Variants in PAF1 observed in about 807,000 individuals in gnomAD.
PAF1 encodes PAF1 component of Paf1/RNA polymerase II complex.
Under a neutral mutation model 68.4 loss-of-function variants are expected in PAF1, and 31 were observed. The observed-to-expected ratio is 0.45, with a 90% CI of 0.34 to 0.61. PAF1 has a LOEUF of 0.61. PAF1 is among the 20% of genes least tolerant of loss of function. The pLI is 0.01. For missense variants in PAF1, 435 were observed against 692.9 expected (o/e 0.63, Z 4.18); for synonymous variants, 256 against 240.5 (o/e 1.06, Z -0.60).
At position 39,388,913 on chromosome 19, in the gene PAF1, G is replaced by A. The variant is rs779161462; in HGVS notation, c.636+34C>T. 15 of 1,609,200 alleles carry A rather than the reference G, an allele frequency of 9.3e-6. No homozygotes were observed. In the South Asian group the frequency reaches 1.6e-4, roughly 18 times the overall value. On this transcript the variant is annotated intron_variant, in intron 8 of 13. Transcript: ENST00000221265. ...GTTAGATGGGAACAGGCACAAATAG[G>A]CTGTCCCTTTCTACCTCCCACCTTG... is the stretch of plus-strand genomic sequence containing the variant.
chr19:39,388,512 A>T (rs1437325128), intron 10 of PAF1, 45 bp from the exon 11 acceptor site: 2 of 1,612,944 alleles, frequency 1.2e-6, no homozygotes, highest in Middle Eastern at 1.7e-4. Context: ...TCCCTATCCC[A>T]ATCCCCAAAA....
Position 39,386,865 on chromosome 19 carries a change from C to A in PAF1, c.987-66G>T. The A allele has an allele frequency of 9.2e-7, 1 of 1,082,046 alleles. No homozygotes were observed. The highest frequency in any genetic ancestry group is 1.2e-5 in the South Asian group (1 of 80,022). The allele number at this position is 1,082,046 out of a possible 1,614,324, so 67.0% of individuals were successfully genotyped here. Reference sequence around the variant, plus strand: ...GTTAAAGACACACCTCCCACTTCCCCGCCCCCCAGTGAGGGGTCTGGTCTG... The same window carrying A: ...GTTAAAGACACACCTCCCACTTCCCAGCCCCCCAGTGAGGGGTCTGGTCTG... On this transcript the variant is annotated intron_variant, in intron 11 of 13. Transcript: ENST00000221265. The surrounding 1 kb of genome is among the most constrained non-coding windows in gnomAD (Gnocchi z 6.1).
In PAF1 at chr19:39,385,783, C is replaced by A. The variant is rs559183465; in HGVS notation, c.*208G>T. ...TGTTTCTAAGCCTCAAGCCAAGATCCTTGAGCACCTGGGGGTTGCGGGAGG... is the reference window on the plus strand; with the variant it reads ...TGTTTCTAAGCCTCAAGCCAAGATCATTGAGCACCTGGGGGTTGCGGGAGG... On this transcript the variant is annotated 3_prime_UTR_variant, in exon 14 of 14. Coordinates refer to ENST00000221265, the MANE Select transcript of PAF1 (RefSeq NM_019088.4). 16 of 700,272 alleles carry A rather than the reference C, an allele frequency of 2.3e-5. No individual in the cohort carries two copies. In the African/African-American group the frequency reaches 2.9e-4, roughly 13 times the overall value. The allele number at this position is 700,272 out of a possible 1,614,324, so 43.4% of individuals were successfully genotyped here. A position where few individuals can be genotyped will look rare whatever the true frequency, so the allele number is the denominator to read the frequency against.
Position 39,388,957 on chromosome 19 carries a change from G to T in PAF1, c.626C>A (p.Pro209Gln). Residue 209 changes from proline (P) to glutamine (Q), a missense_variant, in exon 8 of 14, where the codon CCA becomes CAA. Physicochemically the swap from Pro to Gln is moderately conservative, Grantham distance 76 (BLOSUM62 -1). Transcript: ENST00000221265. Reference sequence around the variant, plus strand: ...CACCTTGGGCCTGACCTTAAAGTCTGGGAAGACAGGCATGACCTCCACCGG... The same window carrying T: ...CACCTTGGGCCTGACCTTAAAGTCTTGGAAGACAGGCATGACCTCCACCGG... Reference protein sequence around the residue: ...VTPVEVMPVFPDFKMWINPCA... With the variant: ...VTPVEVMPVFQDFKMWINPCA... The T allele has an allele frequency of 9.9e-6, 16 of 1,614,092 alleles. No individual in the cohort carries two copies. The highest frequency in any genetic ancestry group is 1.3e-5 in the Non-Finnish European group (15 of 1,179,964).
In PAF1 at chr19:39,388,804, C is replaced by G; in HGVS notation, c.698G>C (p.Ser233Thr). ...CATCATCTCCAACGCAGCTGCACCA[C>G]TCGTGTCCTTGGGGGCTGGGTCTGA... ...FDSDPAPKDT[S>T]GAAALEMMSQ... The change falls in exon 9 of 14, where the codon AGT (serine) becomes ACT (threonine). Residue 233 changes from serine to threonine, a missense_variant. By Grantham distance (58) the Ser-to-Thr change is moderately conservative. Around this residue, in one of 7 missense-constraint regions of PAF1, gnomAD observed 151 missense variants for 306.3 expected, o/e 0.49. Transcript: ENST00000221265. The G allele has an allele frequency of 6.2e-7, 1 of 1,614,198 alleles. No homozygotes were observed. Among genetic ancestry groups the G allele is most frequent in the South Asian group, 1.1e-5 (1 of 91,080 alleles).
At chr19:39,387,908 C>A (rs1198022121) in intron 11 of PAF1, among the ~76,000 whole-genome samples, 2 of 152,146 alleles carry the variant, frequency 1.3e-5, no homozygotes, top group Non-Finnish European at 2.9e-5. Flanking sequence ...GAGGCCGAGG[C>A]AGGCAGATCA....
intron 2 of PAF1, 46 bp from the exon 3 acceptor site, chr19:39,390,207 C>T: frequency 6.2e-7 from 1 of 1,612,996 alleles, no homozygotes; most frequent in Non-Finnish European, 8.5e-7. Flanking sequence ...TGCCCCACCT[C>T]TGCTCCCAGC....
intron 9 of PAF1, 22 bp downstream of exon 9, chr19:39,388,740 G>T: frequency 6.2e-7 from 1 of 1,608,968 alleles, no homozygotes; most frequent in South Asian, 1.1e-5. Flanking sequence ...AGCAGGCCAA[G>T]GTGGACAGCA....
chr19:39,385,956 A>G lies in PAF1; in HGVS notation c.*35T>C, dbSNP rs1362661771. The G allele has an allele frequency of 6.2e-7, 1 of 1,611,018 alleles. No homozygotes were observed. Among genetic ancestry groups the G allele is most frequent in the Non-Finnish European group, 8.5e-7 (1 of 1,179,924 alleles). On this transcript the variant is annotated 3_prime_UTR_variant, in exon 14 of 14. Transcript: ENST00000221265. ...AGAAAAGTGCTTTGCTGCTCACAAT[A>G]ATGGTGTCTGAACCAGCCCTGAATG...
rs374938133 is a variant in PAF1 at position 39,387,466 on chromosome 19, A to G, written c.987-667T>C. Among the ~76,000 whole-genome samples, 3 of 152,212 alleles carry G rather than the reference A, an allele frequency of 2.0e-5. No individual in the cohort carries two copies. In the East Asian group the frequency reaches 5.8e-4, roughly 29 times the overall value. ...GAATTTCTGGCCCCACAGCACAGCA[A>G]CAGTGGGCTGGAAGTGAATAGTGCC... On this transcript the variant is annotated intron_variant, in intron 11 of 13. Transcript: ENST00000221265.
Position 39,386,164 on chromosome 19 carries a change from G to C in PAF1, c.1423C>G (p.Gln475Glu), listed in dbSNP as rs2078243348. ...DSDDEDRGQA[Q>E]GGSDNDSDSG... The stretch of plus-strand genomic sequence containing the variant: ...TCTGAATCATTGTCACTGCCACCTT[G>C]GGCCTGTCCTCTGTCCTCATCATCA... Residue 475 changes from glutamine to glutamate, a missense_variant, in exon 14 of 14, where the codon CAA becomes GAA. By Grantham distance (29) the Gln-to-Glu change is conservative. Around this residue, in one of 7 missense-constraint regions of PAF1, gnomAD observed 83 missense variants for 99.9 expected, o/e 0.83. Transcript: ENST00000221265. The surrounding 1 kb of genome is among the most constrained non-coding windows in gnomAD (Gnocchi z 6.1). 6.2e-7 allele frequency: 1 copy of C among 1,614,118 alleles called. No individual in the cohort carries two copies. Among genetic ancestry groups the C allele is most frequent in the Non-Finnish European group, 8.5e-7 (1 of 1,180,028 alleles).
rs200627106 is a variant in PAF1 at position 39,386,329 on chromosome 19, G to A, written c.1258C>T (p.Arg420Trp). ...GCCTCGTCCCTGTCACCTTCCTCCC[G>A]TTCACTCTCGCTGCCCGAGTGCTCA... Reference protein sequence around the residue: ...EDEHSGSESEREEGDRDEASD... With the variant: ...EDEHSGSESEWEEGDRDEASD... The change falls in exon 14 of 14, where the codon CGG (arginine) becomes TGG (tryptophan). Residue 420 changes from arginine (R) to tryptophan (W), a missense_variant. Arg to Trp is a moderately radical substitution (Grantham distance 101, BLOSUM62 -3). Transcript: ENST00000221265. This position sits in a 1 kb window ranked among gnomAD's most constrained non-coding sequence, Gnocchi z 6.1. The A allele has an allele frequency of 3.0e-5, 49 of 1,613,912 alleles. No homozygotes were observed. In the East Asian group the frequency reaches 4.5e-4, roughly 15 times the overall value.
Position 39,389,416 on chromosome 19 carries a change from A to G in PAF1, c.360-33T>C. ...GGGAAATCAGGTATCTCAGGACCCC[A>G]CTGCCCTCCTGCTTGTAGGGCCCAC... On this transcript the variant is annotated intron_variant, in intron 5 of 13. Transcript: ENST00000221265. This position sits in a 1 kb window ranked among gnomAD's most constrained non-coding sequence, Gnocchi z 5.3. 13 of 1,611,758 alleles carry G rather than the reference A, an allele frequency of 8.1e-6. No homozygotes were observed. In the East Asian group the frequency reaches 1.6e-4, roughly 19 times the overall value.
In PAF1 at chr19:39,386,273, C is replaced by G. The variant is rs766462807; in HGVS notation, c.1314G>C (p.Glu438Asp). 4 of 1,614,198 alleles carry G rather than the reference C, an allele frequency of 2.5e-6. No individual in the cohort carries two copies. Among genetic ancestry groups the G allele is most frequent in the Non-Finnish European group, 2.5e-6 (3 of 1,180,042 alleles). ...ASDKSGSGED[E>D]SSEDEARAAR... ...CAGCCCGGGCCTCATCCTCGCTGCT[C>G]TCGTCCTCACCACTGCCACTCTTGT... Residue 438 changes from glutamate to aspartate, a missense_variant, in exon 14 of 14, where the codon GAG (glutamate) becomes GAC (aspartate). Around this residue, in one of 7 missense-constraint regions of PAF1, gnomAD observed 78 missense variants for 80.6 expected, o/e 0.97. Coordinates refer to ENST00000221265, the MANE Select transcript of PAF1 (RefSeq NM_019088.4). The surrounding 1 kb of genome is among the most constrained non-coding windows in gnomAD (Gnocchi z 6.1).
rs771755813 is a variant in PAF1, at chr19:39,386,686, C to T, written c.1092+8G>A. 2 of 1,609,726 alleles carry T rather than the reference C, an allele frequency of 1.2e-6. No homozygotes were observed. The highest frequency in any genetic ancestry group is 1.3e-5 in the African/African-American group (1 of 74,840). The stretch of plus-strand genomic sequence containing the variant: ...CCATGGGTGCCCTGAGCCAGTGGTG[C>T]TTGTTACCTGAGCTTCCAGTTCCTT... On this transcript the variant is annotated splice_region_variant and intron_variant, in intron 12 of 13. Coordinates refer to ENST00000221265, the MANE Select transcript of PAF1 (RefSeq NM_019088.4). This position sits in a 1 kb window ranked among gnomAD's most constrained non-coding sequence, Gnocchi z 6.1.
Position 39,390,113 on chromosome 19 carries a change from G to A in PAF1, c.126C>T (p.Ile42=). ...AGGTGATGAACTTGGGGTCGAAGGG[G>A]ATATCAGGGAGGCTATTGCAGTACT... ...RVKYCNSLPD[I]PFDPKFITYP... The change falls in exon 3 of 14, where the codon ATC becomes ATT. Residue 42 remains isoleucine (I), a synonymous_variant. Transcript: ENST00000221265. 2 of 1,614,098 alleles carry A rather than the reference G, an allele frequency of 1.2e-6. No homozygotes were observed. Among genetic ancestry groups the A allele is most frequent in the Non-Finnish European group, 1.7e-6 (2 of 1,179,972 alleles).
In PAF1 at chr19:39,386,038, C is replaced by A; in HGVS notation, c.1549G>T (p.Glu517Ter). The A allele has an allele frequency of 2.5e-6, 4 of 1,613,960 alleles. No homozygotes were observed. Among genetic ancestry groups the A allele is most frequent in the Non-Finnish European group, 3.4e-6 (4 of 1,180,010 alleles). ...TCACTGGAATCAGAAGCTGCAGCTT[C>A]ACTGCCATCCTCCTGGGCCGAGTGC... is the stretch of plus-strand genomic sequence containing the variant. ...SEHSAQEDGS[E>*]AAASDSSEAD... is the part of the protein sequence containing the mutation. The change falls in exon 14 of 14, where the codon GAA (glutamate) becomes TAA (stop). Residue 517 changes from glutamate to a stop codon, truncating the protein, a stop_gained. Transcript: ENST00000221265. LOFTEE classifies it high-confidence loss of function. The surrounding 1 kb of genome is among the most constrained non-coding windows in gnomAD (Gnocchi z 6.1).
Position 39,391,078 on chromosome 19 carries a change from C to G in PAF1, c.-214G>C, listed in dbSNP as rs768474989. The G allele has an allele frequency of 1.6e-5, 10 of 629,828 alleles. No individual in the cohort carries two copies. Among genetic ancestry groups the G allele is most frequent in the Non-Finnish European group, 2.2e-5 (8 of 365,854 alleles). 39.0% of individuals were successfully genotyped at this position (629,828 alleles called of 1,614,324 possible). A position where few individuals can be genotyped will look rare whatever the true frequency, so the allele number is the denominator to read the frequency against. ...CAGCACCGGGGACGGACTCGAAGCT[C>G]CGGTTCCACCAACTGCCGCCAAGAC... On this transcript the variant is annotated 5_prime_UTR_variant, in exon 1 of 14. Transcript: ENST00000221265.
At position 39,389,086 on chromosome 19, in the gene PAF1, C is replaced by T; in HGVS notation, c.567+7G>A. On this transcript the variant is annotated splice_region_variant and intron_variant, in intron 7 of 13. Coordinates refer to ENST00000221265, the MANE Select transcript of PAF1 (RefSeq NM_019088.4). The surrounding 1 kb of genome is among the most constrained non-coding windows in gnomAD (Gnocchi z 5.3). Reference sequence around the variant, plus strand: ...CTTGCCTCTCCCCATCCCAGTCCCTCAATTACTGATTTCTGGGCATCCTCA... The same window carrying T: ...CTTGCCTCTCCCCATCCCAGTCCCTTAATTACTGATTTCTGGGCATCCTCA... The T allele has an allele frequency of 6.2e-7, 1 of 1,612,772 alleles. No individual in the cohort carries two copies. The highest frequency in any genetic ancestry group is 8.5e-7 in the Non-Finnish European group (1 of 1,178,738).
Sources: gnomAD v4.1 joint callset for allele counts (sites outside exome capture counted in the v4.1 genomes callset) on GRCh38, gnomAD v4.1.1 for gene constraint, gnomAD v4.1.1 regional missense constraint, Gnocchi (gnomAD v3.1) non-coding constraint, MANE v1.5 for transcripts, NCBI Gene and HGNC (gene_info 2026-07-23, HGNC 2026-07-21) for gene names.